The following ESF1 variants were observed in gnomAD, a reference collection of about 807,000 sequenced individuals.
ESF1 encodes ESF1 nucleolar pre-rRNA processing protein.
ESF1 carries 58 observed loss-of-function variants against 92.0 expected under a neutral mutation model. The ratio of observed to expected loss-of-function variants is 0.63; its 90% CI spans 0.51 to 0.78. ESF1 has a LOEUF of 0.78. Among genes scored for constraint, ESF1 ranks in the 30% least tolerant of loss-of-function variants. The pLI, the probability that ESF1 is intolerant of heterozygous loss-of-function variation, is 0.00. For missense variants in ESF1, 922 were observed against 989.1 expected (o/e 0.93, Z 0.91); for synonymous variants, 321 against 313.7 (o/e 1.02, Z -0.24).
intron 11 of ESF1, among the ~76,000 whole-genome samples, chr20:13,723,307 T>C (rs2049880422): frequency 6.6e-6 from 1 of 152,004 alleles, no homozygotes; most frequent in African/African-American, 2.4e-5. Flanking sequence ...TCAGATGCAG[T>C]CTGTTAAGGA....
In ESF1 at chr20:13,759,730, T is replaced by C. The variant is rs1979067077; in HGVS notation, c.1790A>G (p.Lys597Arg). The change falls in exon 9 of 14, where the codon AAA becomes AGA. Residue 597 changes from lysine (K) to arginine (R), a missense_variant. Transcript: ENST00000617257. ...AATTTCCATTTCCATATCATTTTCT[T>C]TGCCTTTCTTTTCTTTTTCTTGAAT... ...QVIQEKEKKG[K>R]ENDMEMEIKW... is the part of the protein sequence containing the mutation. The C allele has an allele frequency of 6.4e-7, 1 of 1,572,526 alleles. No individual in the cohort carries two copies. Among genetic ancestry groups the C allele is most frequent in the Non-Finnish European group, 8.6e-7 (1 of 1,169,080 alleles).
rs1288802165 is a variant in ESF1 at position 13,759,811 on chromosome 20, T to C, written c.1709A>G (p.Lys570Arg). 1.9e-6 allele frequency: 3 copies of C among 1,600,178 alleles called. No individual in the cohort carries two copies. Among genetic ancestry groups the C allele is most frequent in the East Asian group, 2.3e-5 (1 of 44,302 alleles). The change falls in exon 9 of 14, where the codon AAA (lysine) becomes AGA (arginine). Residue 570 changes from lysine to arginine, a missense_variant. Coordinates refer to ENST00000617257, the MANE Select transcript of ESF1 (RefSeq NM_001276380.2). ...TTGTTCTTCATCATCCTTCTGACTTTTCTTTGTTTTCCCATCTTCTTCTAC... is the reference window on the plus strand; with the variant it reads ...TTGTTCTTCATCATCCTTCTGACTTCTCTTTGTTTTCCCATCTTCTTCTAC... ...VNVEEDGKTK[K>R]SQKDDEEQIA...
chr20:13,774,802 G>T (rs1568728592), intron 4 of ESF1, among the ~76,000 whole-genome samples: 1 of 152,108 alleles, frequency 6.6e-6, no homozygotes, highest in South Asian at 2.1e-4. Flanking sequence ...TAATTTCCAA[G>T]AACTTTATGT....
intron 2 of ESF1, among the ~76,000 whole-genome samples, chr20:13,777,026 A>G (rs1033644469): frequency 6.6e-6 from 1 of 152,212 alleles, no homozygotes; most frequent in African/African-American, 2.4e-5. Context: ...TGTTTTCAAA[A>G]AAGAGGATGT....
At chr20:13,728,517 T>C (rs773358836) in intron 10 of ESF1, 52 bp from the exon 11 acceptor site, 19 of 1,306,372 alleles carry the variant, frequency 1.5e-5, no homozygotes, top group Non-Finnish European at 1.9e-5. Flanking sequence ...AGAATTATAA[T>C]AAATGTATAC....
intron 9 of ESF1, among the ~76,000 whole-genome samples, chr20:13,754,575 GA>G (rs993655388): frequency 2.0e-5 from 3 of 149,944 alleles, no homozygotes; most frequent in Non-Finnish European, 3.0e-5. Flanking sequence ...CTTAATGTAT[GA>G]AAAAAAAAAT....
intron 10 of ESF1, among the ~76,000 whole-genome samples, chr20:13,730,903 A>T (rs1008605126): frequency 1.3e-5 from 2 of 152,072 alleles, no homozygotes; most frequent in African/African-American, 4.8e-5. Flanking sequence ...TCAAAATTGA[A>T]ACCACTGAGG....
At chr20:13,765,270 T>C (rs961764070) in intron 8 of ESF1, among the ~76,000 whole-genome samples, 4 of 152,120 alleles carry the variant, frequency 2.6e-5, no homozygotes, top group Non-Finnish European at 4.4e-5. Context: ...TTGAGGAACT[T>C]CTTAACAGCA....
intron 11 of ESF1, among the ~76,000 whole-genome samples, chr20:13,724,268 C>A (rs1033642526): frequency 4.6e-5 from 7 of 152,126 alleles, no homozygotes; most frequent in African/African-American, 1.4e-4. Context: ...GCACTCCAGC[C>A]TGGGCGACAC....
At chr20:13,748,562 ATATG>A (rs1568718344) in intron 9 of ESF1, among the ~76,000 whole-genome samples, 5 of 37,170 alleles carry the variant, frequency 1.3e-4, no homozygotes, top group Non-Finnish European at 1.9e-4. Context: ...ATATATATAT[ATATG>A]TGTGTGTGTA....
intron 2 of ESF1, among the ~76,000 whole-genome samples, chr20:13,778,319 C>T (rs1453521551): frequency 1.3e-5 from 2 of 151,862 alleles, no homozygotes; most frequent in African/African-American, 4.8e-5. Context: ...CTGAAAAACA[C>T]AACATTGAAA....
chr20:13,777,880 C>G (rs1445051398), intron 2 of ESF1, among the ~76,000 whole-genome samples: 1 of 152,148 alleles, frequency 6.6e-6, no homozygotes, highest in Non-Finnish European at 1.5e-5. Flanking sequence ...GAAATTGGAA[C>G]TAATTTTCTC....
chr20:13,781,592 G>A (rs189457739), intron 2 of ESF1, among the ~76,000 whole-genome samples: 79 of 152,268 alleles, frequency 5.2e-4, no homozygotes, highest in African/African-American at 1.8e-3. Flanking sequence ...CACTCTGGAG[G>A]GGGCTGTGTC....
At chr20:13,778,461 T>A (rs1263584167) in intron 2 of ESF1, among the ~76,000 whole-genome samples, 1 of 28,104 alleles carries the variant, frequency 3.6e-5, no homozygotes, top group African/African-American at 8.5e-5. Context: ...TTTTTGAATA[T>A]CATTTTTTTA....
At chr20:13,763,529 T>C (rs996515905) in intron 8 of ESF1, among the ~76,000 whole-genome samples, 17 of 152,234 alleles carry the variant, frequency 1.1e-4, no homozygotes, top group Non-Finnish European at 2.1e-4. Context: ...TTACAGCTGA[T>C]AGTGAAGAAA....
intron 2 of ESF1, 91 bp downstream of exon 2, chr20:13,782,412 GA>G: frequency 9.1e-7 from 1 of 1,103,270 alleles, no homozygotes; most frequent in Non-Finnish European, 1.2e-6. Context: ...ATAATACTAT[GA>G]AAATACTTAT....
At chr20:13,737,056 A>G (rs1223969165) in intron 9 of ESF1, among the ~76,000 whole-genome samples, 3 of 152,200 alleles carry the variant, frequency 2.0e-5, no homozygotes, top group Admixed American at 1.3e-4. Flanking sequence ...GCCTCTTGGC[A>G]TAAGTACGAG....
At chr20:13,724,767 T>C (rs538574159) in intron 11 of ESF1, among the ~76,000 whole-genome samples, 2 of 152,222 alleles carry the variant, frequency 1.3e-5, no homozygotes, top group African/African-American at 2.4e-5. Context: ...TTTTGTAACA[T>C]GCTGAAAGTC....
chr20:13,736,091 C>A (rs902412146), intron 9 of ESF1, among the ~76,000 whole-genome samples: 14 of 152,216 alleles, frequency 9.2e-5, no homozygotes, highest in African/African-American at 3.4e-4. Flanking sequence ...AAAGTCCATT[C>A]CTGTAACTTT....
Sources: allele counts gnomAD v4.1 joint callset (sites outside exome capture counted in the v4.1 genomes callset), GRCh38; gene constraint gnomAD v4.1.1; transcripts MANE v1.5; gene names NCBI Gene and HGNC (gene_info 2026-07-23, HGNC 2026-07-21).